The following NLGN1 variants were observed in gnomAD, a reference collection of about 807,000 sequenced individuals.
NLGN1 encodes neuroligin 1.
A neutral mutation model predicts 65.5 loss-of-function variants in NLGN1; 12 were observed. The ratio of observed to expected loss-of-function variants is 0.18; its 90% CI spans 0.12 to 0.30. The LOEUF is 0.30. Ranked by LOEUF, NLGN1 falls within the 10% of genes least tolerant of loss-of-function variation. The pLI, the probability that NLGN1 is intolerant of heterozygous loss-of-function variation, is 1.00. For synonymous variants in NLGN1, 350 were observed against 359.5 expected (o/e 0.97, Z 0.30); for missense variants, 750 against 1,007.1 (o/e 0.74, Z 3.46).
intron 3 of NLGN1, among the ~76,000 whole-genome samples, chr3:173,789,015 G>A (rs1000607177): frequency 4.6e-5 from 7 of 151,860 alleles, no homozygotes; most frequent in African/African-American, 1.5e-4. Flanking sequence ...GGCCAATATG[G>A]TGAAACTCTG....
chr3:174,056,356 T>C (rs908173157), intron 4 of NLGN1, among the ~76,000 whole-genome samples: 9 of 152,080 alleles, frequency 5.9e-5, no homozygotes, highest in Non-Finnish European at 1.3e-4. Context: ...AAAAAGCTTC[T>C]TTTTAAATAA....
intron 2 of NLGN1, among the ~76,000 whole-genome samples, chr3:173,483,202 A>G (rs1190728113): frequency 1.3e-5 from 2 of 152,072 alleles, no homozygotes; most frequent in African/African-American, 2.4e-5. Context: ...ACAGATTCTA[A>G]ACTTCCAAAA....
At chr3:173,635,325 G>T (rs1254726919) in intron 3 of NLGN1, among the ~76,000 whole-genome samples, 4 of 152,036 alleles carry the variant, frequency 2.6e-5, no homozygotes, top group African/African-American at 9.7e-5. Context: ...TACCACTCCT[G>T]CAAATAAGGA....
At chr3:174,196,646 G>A (rs916347857) in intron 4 of NLGN1, among the ~76,000 whole-genome samples, 1 of 152,080 alleles carries the variant, frequency 6.6e-6, no homozygotes, top group Admixed American at 6.6e-5. Flanking sequence ...AGCGATCTTA[G>A]ATCAAAAAGC....
chr3:174,096,024 G>A (rs1232656774), intron 4 of NLGN1, among the ~76,000 whole-genome samples: 1 of 145,786 alleles, frequency 6.9e-6, no homozygotes, highest in Non-Finnish European at 1.5e-5. Flanking sequence ...TAAATAAAAA[G>A]TAATTAAAAA....
chr3:174,210,904 G>A (rs1227073990), intron 4 of NLGN1, among the ~76,000 whole-genome samples: 1 of 152,118 alleles, frequency 6.6e-6, no homozygotes, highest in African/African-American at 2.4e-5. Context: ...TCAGTATTCA[G>A]TACAATAACA....
At chr3:173,744,185 T>C (rs541074554) in intron 3 of NLGN1, among the ~76,000 whole-genome samples, 3 of 152,220 alleles carry the variant, frequency 2.0e-5, no homozygotes, top group Non-Finnish European at 2.9e-5. Flanking sequence ...TGAAATTCAA[T>C]AGAATGGGAA....
intron 4 of NLGN1, among the ~76,000 whole-genome samples, chr3:173,958,056 G>C (rs1165596079): frequency 1.3e-5 from 2 of 152,174 alleles, no homozygotes; most frequent in Non-Finnish European, 2.9e-5. Flanking sequence ...CCAGAAGCTT[G>C]GAGACACCAA....
At chr3:173,785,674 T>TTA (rs68011560) in intron 3 of NLGN1, among the ~76,000 whole-genome samples, 164 of 150,762 alleles carry the variant, frequency 1.1e-3, no homozygotes, top group East Asian at 2.5e-3. Flanking sequence ...ATAGTTGAGT[T>TTA]TATATATATA....
chr3:173,774,559 G>A (rs1780028825), intron 3 of NLGN1, among the ~76,000 whole-genome samples: 1 of 152,168 alleles, frequency 6.6e-6, no homozygotes, highest in Non-Finnish European at 1.5e-5. Flanking sequence ...TAGCTGTGCT[G>A]TGGGCTCTCT....
intron 4 of NLGN1, among the ~76,000 whole-genome samples, chr3:174,076,724 AGTGTGTGTGTGTGT>A (rs143103332): frequency 2.2e-4 from 18 of 82,038 alleles, no homozygotes; most frequent in Non-Finnish European, 4.1e-4. Context: ...AGAGAGAGAG[AGTGTGTGTGTGTGT>A]GTGTGTGTGT....
chr3:173,461,364 T>A (rs1054868556), intron 2 of NLGN1, among the ~76,000 whole-genome samples: 5 of 152,114 alleles, frequency 3.3e-5, no homozygotes, highest in East Asian at 1.9e-4. Context: ...TGTTTTTATT[T>A]TTTTTTTGTT....
intron 3 of NLGN1, among the ~76,000 whole-genome samples, chr3:173,687,551 A>C (rs544784414): frequency 6.6e-6 from 1 of 152,344 alleles, no homozygotes; most frequent in Admixed American, 6.5e-5. Context: ...TGTGAAAAAT[A>C]AAATAAAAAT....
chr3:173,425,803 T>A (rs971712833), intron 1 of NLGN1, among the ~76,000 whole-genome samples: 3 of 152,188 alleles, frequency 2.0e-5, no homozygotes, highest in Admixed American at 1.3e-4. Flanking sequence ...CAGGACTACT[T>A]TGACTATTTG....
At chr3:173,866,517 C>T (rs989526442) in intron 4 of NLGN1, among the ~76,000 whole-genome samples, 45 of 152,108 alleles carry the variant, frequency 3.0e-4, no homozygotes, top group African/African-American at 1.7e-4. Context: ...AGAAATTGGG[C>T]GTATGTTTGC....
At chr3:174,080,348 A>C (rs987795612) in intron 4 of NLGN1, among the ~76,000 whole-genome samples, 1 of 152,198 alleles carries the variant, frequency 6.6e-6, no homozygotes, top group African/African-American at 2.4e-5. Flanking sequence ...GACTGAGACA[A>C]ATTTTACAGG....
chr3:173,771,803 A>G lies in NLGN1; in HGVS notation c.494-35877A>G, dbSNP rs186407246. Among the ~76,000 whole-genome samples, 7 of 152,084 alleles carry G rather than the reference A, an allele frequency of 4.6e-5. No homozygotes were observed. The East Asian group carries it at 1.2e-3, about 25-fold the overall frequency. ...ACTTATTTTGTCCATACCGTATTGT[A>G]GTGTGGGAGCCTTTCGGGCAGAAAA... On this transcript the variant is annotated intron_variant, in intron 3 of 6. Transcript: ENST00000457714.
In NLGN1 at chr3:174,280,760, T is replaced by G. The variant is rs549124414; in HGVS notation, c.1929T>G (p.Ser643=). 105 of 1,613,272 alleles carry G rather than the reference T, an allele frequency of 6.5e-5. No individual in the cohort carries two copies. The highest frequency in any genetic ancestry group is 1.6e-4 in the Middle Eastern group (1 of 6,072). Residue 643 remains serine, a synonymous_variant, in exon 7 of 7, where the codon TCT becomes TCG. Coordinates refer to ENST00000457714, the Ensembl canonical transcript of NLGN1. The surrounding 1 kb of genome is among the most constrained non-coding windows in gnomAD (Gnocchi z 4.9). Reference sequence around the variant, plus strand: ...CTTTCAGACCTACGAGAAAAAATTCTGTACCTGTCACGTCAGCCTTTCCCA... The same window carrying G: ...CTTTCAGACCTACGAGAAAAAATTCGGTACCTGTCACGTCAGCCTTTCCCA...
intron 4 of NLGN1, among the ~76,000 whole-genome samples, chr3:174,138,664 G>A (rs952480241): frequency 1.3e-5 from 2 of 152,054 alleles, no homozygotes; most frequent in South Asian, 4.1e-4. Context: ...TTGATCTCCT[G>A]ACCTCGTGAT....
Sources: gnomAD v4.1 joint callset for allele counts (sites outside exome capture counted in the v4.1 genomes callset) on GRCh38, gnomAD v4.1.1 for gene constraint, Gnocchi (gnomAD v3.1) non-coding constraint, MANE v1.5 for transcripts, NCBI Gene and HGNC (gene_info 2026-07-23, HGNC 2026-07-21) for gene names.